Variants in RABL2A observed in about 807,000 individuals in gnomAD.
RABL2A encodes rab-like protein 2A.
In RABL2A, 17 loss-of-function variants were observed where a neutral mutation model predicts 30.7. That is an observed-to-expected ratio of 0.55 (90% confidence interval 0.38 to 0.83). RABL2A has a LOEUF of 0.83. Among genes scored for constraint, RABL2A ranks in the 40% least tolerant of loss-of-function variants. RABL2A has a pLI of 0.00. For missense variants in RABL2A, 155 were observed against 272.6 expected (o/e 0.57, Z 3.04); for synonymous variants, 64 against 101.8 (o/e 0.63, Z 2.24).
At position 113,642,379 on chromosome 2, in the gene RABL2A, C is replaced by T; in HGVS notation, c.*250C>T. ...AATTAGGGATCAGCATCATTAACAC[C>T]TTCCCCACCCCCTCCCCCCAGGCAG... On this transcript the variant is annotated 3_prime_UTR_variant, in exon 9 of 9. Coordinates refer to ENST00000683472, the MANE Select transcript of RABL2A (RefSeq NM_001306158.2). The T allele has an allele frequency of 1.2e-6, 1 of 817,752 alleles. No homozygotes were observed. The highest frequency in any genetic ancestry group is 1.9e-5 in the South Asian group (1 of 52,136). 50.7% of individuals were successfully genotyped at this position (817,752 alleles called of 1,614,324 possible). A position where few individuals can be genotyped will look rare whatever the true frequency, so the allele number is the denominator to read the frequency against.
rs1685719320 is a variant in RABL2A, at chr2:113,643,072, C to T, written c.*943C>T. 2.2e-6 allele frequency: 1 copy of T among 447,936 alleles called. No individual in the cohort carries two copies. Among genetic ancestry groups the T allele is most frequent in the Non-Finnish European group, 4.5e-6 (1 of 224,484 alleles). The allele number at this position is 447,936 out of a possible 1,614,324, so 27.7% of individuals were successfully genotyped here. A position where few individuals can be genotyped will look rare whatever the true frequency, so the allele number is the denominator to read the frequency against. On this transcript the variant is annotated 3_prime_UTR_variant, in exon 9 of 9. Coordinates refer to ENST00000683472, the MANE Select transcript of RABL2A (RefSeq NM_001306158.2). ...ACAGGCCTAGCTATAGTTAGGAATA[C>T]ACAAGCGGTAAAATCGAGTCCTTAC...
At position 113,642,191 on chromosome 2, in the gene RABL2A, A is replaced by G; in HGVS notation, c.*62A>G. 2 of 1,501,880 alleles carry G rather than the reference A, an allele frequency of 1.3e-6. No homozygotes were observed. The highest frequency in any genetic ancestry group is 1.4e-5 in the African/African-American group (1 of 71,198). 93.0% of individuals were successfully genotyped at this position (1,501,880 alleles called of 1,614,324 possible). A position where few individuals can be genotyped will look rare whatever the true frequency, so the allele number is the denominator to read the frequency against. On this transcript the variant is annotated 3_prime_UTR_variant, in exon 9 of 9. Transcript: ENST00000683472. ...ATACCCTTCCCTTCAACAACTCTCC[A>G]GCTCTGAATGGAGAAACTCTCTAGG...
At chr2:113,639,606 C>G (rs1263180494) in intron 5 of RABL2A, among the ~76,000 whole-genome samples, 8 of 149,082 alleles carry the variant, frequency 5.4e-5, no homozygotes, top group African/African-American at 2.0e-4. Context: ...CCAGCCTGGG[C>G]AACAGAGCAA....
chr2:113,638,076 A>G lies in RABL2A; in HGVS notation c.298-2818A>G, dbSNP rs1574076016. The G allele has an allele frequency of 4.1e-6, 4 of 985,434 alleles. No homozygotes were observed. In the East Asian group the frequency reaches 4.5e-4, roughly 112 times the overall value. 61.0% of individuals were successfully genotyped at this position (985,434 alleles called of 1,614,324 possible). ...TAGCCAGTTCCTCCTCAGCTCTCAA[A>G]ACAAGGAACAGATGCTCAGGAAACC... is the stretch of plus-strand genomic sequence containing the variant. On this transcript the variant is annotated intron_variant, in intron 5 of 8. Transcript: ENST00000683472.
rs766907839 is a variant in RABL2A at position 113,640,878 on chromosome 2, C to T, written c.298-16C>T. On this transcript the variant is annotated splice_polypyrimidine_tract_variant and intron_variant, in intron 5 of 8. Transcript: ENST00000683472. ...TTGACATACCTGAGCTATCTTTCTT[C>T]CTCTGCCCTTTGCAGGTGTTTGATA... is the stretch of plus-strand genomic sequence containing the variant. 8.7e-6 allele frequency: 14 copies of T among 1,613,772 alleles called. No homozygotes were observed. The highest frequency in any genetic ancestry group is 4.5e-5 in the East Asian group (2 of 44,892).
intron 2 of RABL2A, among the ~76,000 whole-genome samples, chr2:113,629,883 G>A (rs572589749): frequency 2.0e-5 from 3 of 151,982 alleles, no homozygotes; most frequent in South Asian, 4.2e-4. Flanking sequence ...TCAACAGCAC[G>A]CCTGTACAGT....
At chr2:113,628,469 A>G (rs1392362392) in intron 1 of RABL2A, 85 bp from the exon 2 acceptor site, 2 of 1,463,830 alleles carry the variant, frequency 1.4e-6, no homozygotes, top group African/African-American at 1.6e-5. Context: ...GCACTGAGGG[A>G]AGCAGTCTGG....
chr2:113,635,503 A>T, intron 5 of RABL2A: 1 of 359,736 alleles, frequency 2.8e-6, no homozygotes, highest in Non-Finnish European at 5.4e-6. Context: ...TAGGGGGCAC[A>T]TGCTGGGACT....
At chr2:113,636,661 G>C (rs1223983794) in intron 5 of RABL2A, among the ~76,000 whole-genome samples, 2 of 152,176 alleles carry the variant, frequency 1.3e-5, no homozygotes, top group African/African-American at 2.4e-5. Flanking sequence ...ACATGGGATG[G>C]ACAGGTTGCC....
Position 113,632,961 on chromosome 2 carries a change from G to C in RABL2A, c.137+17G>C. ...GGATGGCTTGTATCCTTCAAGGTTTGAAGTACTCCTTGTTCCTGTGGGTCT... is the reference window on the plus strand; with the variant it reads ...GGATGGCTTGTATCCTTCAAGGTTTCAAGTACTCCTTGTTCCTGTGGGTCT... On this transcript the variant is annotated intron_variant, in intron 3 of 8. Transcript: ENST00000683472. 6.2e-7 allele frequency: 1 copy of C among 1,614,198 alleles called. No individual in the cohort carries two copies. The highest frequency in any genetic ancestry group is 2.2e-5 in the East Asian group (1 of 44,884).
intron 5 of RABL2A, among the ~76,000 whole-genome samples, chr2:113,635,945 A>G (rs1682513389): frequency 6.6e-6 from 1 of 150,476 alleles, no homozygotes; most frequent in Non-Finnish European, 1.5e-5. Flanking sequence ...CGTCTCTACT[A>G]AAAATACAAA....
intron 5 of RABL2A, among the ~76,000 whole-genome samples, chr2:113,639,389 A>T (rs569588443): frequency 3.1e-4 from 47 of 152,376 alleles, no homozygotes; most frequent in African/African-American, 1.1e-3. Context: ...TGGGAGGCCT[A>T]GGCAGGCAGA....
At chr2:113,637,413 G>C (rs1683332586) in intron 5 of RABL2A, 53 of 1,074,116 alleles carry the variant, frequency 4.9e-5, no homozygotes, top group Non-Finnish European at 5.8e-5. Flanking sequence ...GACTGTCTGT[G>C]ATGCACGTGT....
chr2:113,634,112 A>C, intron 3 of RABL2A, 41 bp from the exon 4 acceptor site: 2 of 1,580,842 alleles, frequency 1.3e-6, no homozygotes, highest in Non-Finnish European at 1.7e-6. Context: ...CTCCTTCCTT[A>C]CCTCCCCTTT....
At position 113,642,327 on chromosome 2, in the gene RABL2A, A is replaced by G; in HGVS notation, c.*198A>G. ...CAGCAAACTCTGGACTGGTGGAAGAATTCCCCACCAGATCTCCTTGAAGCA... is the reference window on the plus strand; with the variant it reads ...CAGCAAACTCTGGACTGGTGGAAGAGTTCCCCACCAGATCTCCTTGAAGCA... On this transcript the variant is annotated 3_prime_UTR_variant, in exon 9 of 9. Transcript: ENST00000683472. 1 of 1,251,558 alleles carries G rather than the reference A, an allele frequency of 8.0e-7. No individual in the cohort carries two copies. The highest frequency in any genetic ancestry group is 1.1e-6 in the Non-Finnish European group (1 of 921,882). 77.5% of individuals were successfully genotyped at this position (1,251,558 alleles called of 1,614,324 possible). A position where few individuals can be genotyped will look rare whatever the true frequency, so the allele number is the denominator to read the frequency against.
In RABL2A at chr2:113,637,487, G is replaced by C. The variant is rs563496193; in HGVS notation, c.297+2357G>C. 748 of 1,141,816 alleles carry C rather than the reference G, an allele frequency of 6.6e-4. 1 individual carries two copies. Among genetic ancestry groups the C allele is most frequent in the Non-Finnish European group, 7.8e-4 (707 of 910,822 alleles). The allele number at this position is 1,141,816 out of a possible 1,614,324, so 70.7% of individuals were successfully genotyped here. ...GCTGCCCCCAGGAACTGACTGACTG[G>C]TAGGCACAGTACAGATACCAGTGGT... On this transcript the variant is annotated intron_variant, in intron 5 of 8. Coordinates refer to ENST00000683472, the MANE Select transcript of RABL2A (RefSeq NM_001306158.2).
At chr2:113,631,451 G>C (rs1680309450) in intron 2 of RABL2A, among the ~76,000 whole-genome samples, 1 of 152,100 alleles carries the variant, frequency 6.6e-6, no homozygotes, top group Admixed American at 6.5e-5. Flanking sequence ...TGGGTCCCAA[G>C]CTCTCATTAT....
intron 2 of RABL2A, among the ~76,000 whole-genome samples, chr2:113,630,835 G>A (rs1476906595): frequency 2.6e-5 from 4 of 151,390 alleles, no homozygotes; most frequent in Non-Finnish European, 4.4e-5. Flanking sequence ...CACTGCACCC[G>A]ACCAGATTTC....
chr2:113,636,928 G>A (rs891553516), intron 5 of RABL2A, among the ~76,000 whole-genome samples: 2 of 151,688 alleles, frequency 1.3e-5, no homozygotes, highest in African/African-American at 2.4e-5. Context: ...GGCGGAGCTT[G>A]CAGTGAGCCG....
Sources: gnomAD v4.1 joint callset for allele counts (sites outside exome capture counted in the v4.1 genomes callset) on GRCh38, gnomAD v4.1.1 for gene constraint, MANE v1.5 for transcripts, NCBI Gene and HGNC (gene_info 2026-07-23, HGNC 2026-07-21) for gene names.